The following TMEM178B variants were observed in gnomAD, a reference collection of about 807,000 sequenced individuals.
TMEM178B encodes the protein transmembrane protein 178B.
TMEM178B carries 5 observed loss-of-function variants against 31.0 expected under a neutral mutation model. The ratio of observed to expected loss-of-function variants is 0.16; its 90% CI spans 0.08 to 0.34. TMEM178B has a LOEUF of 0.34. Among genes scored for constraint, TMEM178B ranks in the 10% least tolerant of loss-of-function variants. The pLI, the probability that TMEM178B is intolerant of heterozygous loss-of-function variation, is 1.00. For missense variants in TMEM178B, 275 were observed against 400.3 expected (o/e 0.69, Z 2.67); for synonymous variants, 164 against 164.0 (o/e 1.00, Z 0.00).
At chr7:141,507,332 C>T in the TMEM178B span, among the ~76,000 whole-genome samples, 4 of 152,200 alleles carry the variant, frequency 2.6e-5, no homozygotes, top group African/African-American at 9.6e-5. Context: ...CTTGGGCATC[C>T]AGGCGTTTCC....
At chr7:141,215,782 CTTTCTTTCTTTCTTTCTTTCTTT>C in intron 2 of TMEM178B, among the ~76,000 whole-genome samples, 1 of 41,302 alleles carries the variant, frequency 2.4e-5, no homozygotes, top group South Asian at 7.5e-4. Context: ...ACTTTCCTTT[CTTTCTTTCTTTCTTTCTTTCTTT>C]CTTTCTTTCT....
At chr7:141,218,413 G>A (rs988975964) in intron 2 of TMEM178B, among the ~76,000 whole-genome samples, 1 of 152,090 alleles carries the variant, frequency 6.6e-6, no homozygotes, top group African/African-American at 2.4e-5. Flanking sequence ...CCACTAGGAG[G>A]GACAAGAAGT....
At chr7:141,426,440 A>T (rs1464279103) in intron 2 of TMEM178B, among the ~76,000 whole-genome samples, 1 of 152,212 alleles carries the variant, frequency 6.6e-6, no homozygotes, top group African/African-American at 2.4e-5. Flanking sequence ...CAAGGACTGG[A>T]TGTGAGTGTC....
At chr7:141,358,999 C>T (rs1319760398) in intron 2 of TMEM178B, among the ~76,000 whole-genome samples, 1 of 152,154 alleles carries the variant, frequency 6.6e-6, no homozygotes, top group Non-Finnish European at 1.5e-5. Context: ...AACCAGGTGA[C>T]CAGCTGCTTT....
chr7:141,354,154 T>G (rs1377365414), intron 2 of TMEM178B, among the ~76,000 whole-genome samples: 1 of 152,204 alleles, frequency 6.6e-6, no homozygotes. Flanking sequence ...ACTCTTGGGC[T>G]CCACAGTTTA....
chr7:141,425,656 G>A (rs1179476637), intron 2 of TMEM178B, among the ~76,000 whole-genome samples: 1 of 152,148 alleles, frequency 6.6e-6, no homozygotes, highest in Non-Finnish European at 1.5e-5. Flanking sequence ...CTGCCTCTTG[G>A]TCTTGCGTTT....
intron 1 of TMEM178B, among the ~76,000 whole-genome samples, chr7:141,147,725 C>T (rs192296287): frequency 1.8e-3 from 281 of 152,162 alleles, no homozygotes; most frequent in Non-Finnish European, 2.6e-3. Context: ...GAGAACACAG[C>T]GAGAGAGACA....
chr7:141,145,546 C>T (rs141205789), intron 1 of TMEM178B, among the ~76,000 whole-genome samples: 389 of 152,352 alleles, frequency 2.6e-3, no homozygotes, highest in African/African-American at 8.8e-3. Flanking sequence ...CTGCCAGCAT[C>T]ATGGCTCAGT....
the TMEM178B span, among the ~76,000 whole-genome samples, chr7:141,496,973 A>G: frequency 6.6e-6 from 1 of 152,100 alleles, no homozygotes; most frequent in Non-Finnish European, 1.5e-5. Context: ...GATCTTTCAC[A>G]TACAGGCTGA....
chr7:141,410,683 G>C (rs921914758), intron 2 of TMEM178B, among the ~76,000 whole-genome samples: 2 of 152,004 alleles, frequency 1.3e-5, no homozygotes, highest in Non-Finnish European at 2.9e-5. Context: ...GTCCTCAGCG[G>C]AGCCAGGTCC....
intron 2 of TMEM178B, among the ~76,000 whole-genome samples, chr7:141,213,777 C>G (rs1007681017): frequency 1.3e-5 from 2 of 152,124 alleles, no homozygotes; most frequent in African/African-American, 4.8e-5. Context: ...GTGAAAGAGA[C>G]AAGTAAAATT....
chr7:141,275,177 T>A (rs1412446866), intron 2 of TMEM178B, among the ~76,000 whole-genome samples: 1 of 152,150 alleles, frequency 6.6e-6, no homozygotes, highest in Admixed American at 6.5e-5. Context: ...GTATTCAAGA[T>A]ACTCAAAACT....
chr7:141,291,597 G>C (rs1003697654), intron 2 of TMEM178B, among the ~76,000 whole-genome samples: 6 of 152,084 alleles, frequency 3.9e-5, no homozygotes, highest in African/African-American at 1.4e-4. Flanking sequence ...CCTGCCCCAG[G>C]GGGAGGTGGT....
intron 2 of TMEM178B, among the ~76,000 whole-genome samples, chr7:141,231,024 G>A (rs918346246): frequency 6.6e-6 from 1 of 152,104 alleles, no homozygotes; most frequent in African/African-American, 2.4e-5. Context: ...TTGGATAAGA[G>A]CCACCAAGCC....
chr7:141,079,818 A>G (rs889218307), intron 1 of TMEM178B, among the ~76,000 whole-genome samples: 1 of 152,158 alleles, frequency 6.6e-6, no homozygotes, highest in Non-Finnish European at 1.5e-5. Context: ...CCTAGGAAGT[A>G]TAAGTATTAT....
At chr7:141,236,749 A>G (rs1278860623) in intron 2 of TMEM178B, among the ~76,000 whole-genome samples, 1 of 152,248 alleles carries the variant, frequency 6.6e-6, no homozygotes, top group East Asian at 1.9e-4. Flanking sequence ...TATTTATCTG[A>G]TGCCCTGATG....
At chr7:141,183,933 A>G (rs1407912597) in intron 1 of TMEM178B, among the ~76,000 whole-genome samples, 2 of 152,210 alleles carry the variant, frequency 1.3e-5, no homozygotes, top group African/African-American at 4.8e-5. Flanking sequence ...GCAAAGAAGC[A>G]TCACGTTCAG....
intron 1 of TMEM178B, among the ~76,000 whole-genome samples, chr7:141,172,332 T>C (rs1454776091): frequency 1.3e-5 from 2 of 152,202 alleles, no homozygotes; most frequent in South Asian, 4.1e-4. Context: ...TCATGTTACA[T>C]AGGGAGTACC....
At chr7:141,109,768 A>C (rs1795205125) in intron 1 of TMEM178B, among the ~76,000 whole-genome samples, 1 of 152,162 alleles carries the variant, frequency 6.6e-6, no homozygotes. Flanking sequence ...GATGACACTA[A>C]CACAGGAATA....
Sources: allele counts gnomAD v4.1 joint callset (sites outside exome capture counted in the v4.1 genomes callset), GRCh38; gene constraint gnomAD v4.1.1; transcripts MANE v1.5; gene names NCBI Gene and HGNC (gene_info 2026-07-23, HGNC 2026-07-21).